Variants in LINC00632 observed in about 807,000 individuals in gnomAD.
The protein encoded by LINC00632 is ALDOA related specific transcript.
At chrX:140,739,078 T>C (rs1931186980) in intron 3 of LINC00632, among the ~76,000 whole-genome samples, 1 of 111,001 alleles carries the variant, frequency 9.0e-6, no homozygotes, top group Non-Finnish European at 1.9e-5. Context: ...GGAAAAAACA[T>C]CTATTAGTAC....
chrX:140,778,644 T>A (rs778233073), exon 5 of LINC00632, among the ~76,000 whole-genome samples: 3 of 110,576 alleles, frequency 2.7e-5, no homozygotes, highest in Admixed American at 1.9e-4. Flanking sequence ...AAGAACTGTT[T>A]TGATAATTTT....
intron 3 of LINC00632, among the ~76,000 whole-genome samples, chrX:140,762,523 T>C (rs1157151007): frequency 5.3e-5 from 6 of 112,341 alleles, no homozygotes; most frequent in Non-Finnish European, 9.4e-5. Context: ...TTGAGCCCAC[T>C]CAATTACAGC....
intron 3 of LINC00632, among the ~76,000 whole-genome samples, chrX:140,761,552 C>T (rs1931594138): frequency 8.9e-6 from 1 of 112,462 alleles, no homozygotes; most frequent in Admixed American, 9.5e-5. Flanking sequence ...AAAGTTGGAA[C>T]TCATACTGAA....
At position 140,744,732 on chromosome X, in the gene LINC00632, G is replaced by A. The variant is rs913331141; in HGVS notation, n.191+10768G>A. ...TTACAGATGCACACCACCATGCCCA[G>A]CTAATTTTTGTATTTTTAGTAGAGA... On this transcript the variant is annotated intron_variant and non_coding_transcript_variant, in intron 3 of 4. Coordinates refer to ENST00000648200, the Ensembl canonical transcript of LINC00632. Among the ~76,000 whole-genome samples, 3 of 109,775 alleles carry A rather than the reference G, an allele frequency of 2.7e-5. No individual in the cohort carries two copies. The Admixed American group carries it at 2.9e-4, about 11-fold the overall frequency.
chrX:140,753,533 A>G (rs1238591825), intron 3 of LINC00632, among the ~76,000 whole-genome samples: 1 of 110,623 alleles, frequency 9.0e-6, no homozygotes, highest in Non-Finnish European at 1.9e-5. Flanking sequence ...GATGTGCTAT[A>G]TATGGAAAAT....
rs773716761 is a variant in LINC00632 at position 140,770,881 on chromosome X, AATAG to A, written n.192-1192_192-1189del. On this transcript the variant is annotated intron_variant and non_coding_transcript_variant, in intron 3 of 4. Coordinates refer to ENST00000648200, the Ensembl canonical transcript of LINC00632. ...AGACGAACAAAACTTAAGACAACAA[AATAG>A]ATAGTAATTATTTATTTGAAAACAT... Among the ~76,000 whole-genome samples, 6 of 112,126 alleles carry A rather than the reference AATAG, an allele frequency of 5.4e-5. No homozygotes were observed. In the South Asian group the frequency reaches 2.2e-3, roughly 42 times the overall value.
At chrX:140,750,826 T>C (rs865867480) in intron 3 of LINC00632, among the ~76,000 whole-genome samples, 2 of 111,213 alleles carry the variant, frequency 1.8e-5, no homozygotes, top group Middle Eastern at 4.7e-3. Flanking sequence ...TCTTATGCCT[T>C]TGCATCCTCA....
At chrX:140,742,907 A>AAAAGGG (rs1556024017) in intron 3 of LINC00632, among the ~76,000 whole-genome samples, 14 of 103,698 alleles carry the variant, frequency 1.4e-4, no homozygotes, top group Non-Finnish European at 2.0e-4. Flanking sequence ...AAAGGAAAGG[A>AAAAGGG]AAAGGGAAAG....
chrX:140,786,076 A>G (rs1201824870), exon 5 of LINC00632, among the ~76,000 whole-genome samples: 1 of 112,003 alleles, frequency 8.9e-6, no homozygotes. Context: ...TCTGGCTGGC[A>G]TGAAAAGCAT....
exon 5 of LINC00632, chrX:140,784,546 T>A (rs777846119): frequency 5.6e-6 from 3 of 538,152 alleles, no homozygotes; most frequent in African/African-American, 2.3e-5. Flanking sequence ...AGCATCTTCA[T>A]GTCTTCCAAC....
intron 2 of LINC00632, among the ~76,000 whole-genome samples, chrX:140,725,266 ACAGT>A (rs1217306464): frequency 1.6e-4 from 4 of 25,789 alleles, no homozygotes; most frequent in Non-Finnish European, 3.4e-4. Context: ...GTACACACAC[ACAGT>A]CACACATTCC....
At chrX:140,716,835 C>T (rs1446026455) in intron 2 of LINC00632, among the ~76,000 whole-genome samples, 3 of 108,469 alleles carry the variant, frequency 2.8e-5, no homozygotes, top group Non-Finnish European at 5.7e-5. Flanking sequence ...ACATCCTAAC[C>T]TCATAGATAT....
exon 5 of LINC00632, among the ~76,000 whole-genome samples, chrX:140,775,731 G>C (rs1454384218): frequency 9.1e-6 from 1 of 110,167 alleles, no homozygotes; most frequent in Non-Finnish European, 1.9e-5. Flanking sequence ...CCTGGAATGA[G>C]GAAATGTATG....
intron 2 of LINC00632, among the ~76,000 whole-genome samples, chrX:140,732,860 T>A (rs1019900667): frequency 3.7e-5 from 4 of 109,328 alleles, no homozygotes; most frequent in African/African-American, 6.7e-5. Context: ...ACCTCCCAGG[T>A]TCAAGCAGTT....
intron 3 of LINC00632, among the ~76,000 whole-genome samples, chrX:140,745,611 G>A (rs1014191279): frequency 2.7e-5 from 3 of 111,697 alleles, no homozygotes; most frequent in African/African-American, 9.8e-5. Flanking sequence ...TCTAAACCCA[G>A]CTGGAAGATG....
chrX:140,778,476 A>C (rs991042689), exon 5 of LINC00632, among the ~76,000 whole-genome samples: 2 of 110,819 alleles, frequency 1.8e-5, no homozygotes, highest in African/African-American at 6.6e-5. Context: ...GTGGTGGTGC[A>C]TGCCTGTAAC....
chrX:140,713,685 A>G (rs1168133974), intron 2 of LINC00632: 1 of 342,143 alleles, frequency 2.9e-6, no homozygotes, highest in East Asian at 9.8e-5. Context: ...CCAAAGGCAC[A>G]CCGACAAGCA....
At chrX:140,720,842 C>G (rs111905324) in intron 2 of LINC00632, among the ~76,000 whole-genome samples, 13 of 111,623 alleles carry the variant, frequency 1.2e-4, no homozygotes, top group Non-Finnish European at 2.3e-4. Flanking sequence ...GCTGAGAGCA[C>G]GCAGAAGTGC....
intron 3 of LINC00632, among the ~76,000 whole-genome samples, chrX:140,740,822 A>T (rs1931214433): frequency 8.9e-6 from 1 of 112,035 alleles, no homozygotes; most frequent in African/African-American, 3.2e-5. Flanking sequence ...TATGTAGCTG[A>T]TTCCATTCAA....
Sources: gnomAD v4.1 joint callset for allele counts (sites outside exome capture counted in the v4.1 genomes callset) on GRCh38, gnomAD v4.1.1 for gene constraint, MANE v1.5 for transcripts, NCBI Gene and HGNC (gene_info 2026-07-23, HGNC 2026-07-21) for gene names.